Variants in RBFOX1 observed in about 807,000 individuals in gnomAD.
The protein encoded by RBFOX1 is RNA binding protein fox-1 homolog 1.
In RBFOX1, 8 loss-of-function variants were observed where a neutral mutation model predicts 57.7. The ratio of observed to expected loss-of-function variants is 0.14; its 90% CI spans 0.08 to 0.25. RBFOX1 has a LOEUF of 0.25. Ranked by LOEUF, RBFOX1 falls within the 10% of genes least tolerant of loss-of-function variation. The pLI, the probability that RBFOX1 is intolerant of heterozygous loss-of-function variation, is 1.00. For missense variants in RBFOX1, 611 were observed against 548.5 expected (o/e 1.11, Z -1.14); for synonymous variants, 326 against 222.4 (o/e 1.47, Z -4.15).
At chr16:6,493,277 G>C (rs10431959) in intron 2 of RBFOX1, among the ~76,000 whole-genome samples, 49,743 of 151,990 alleles carry the variant, frequency 0.33, 8,933 homozygotes, top group Non-Finnish European at 0.41. Context: ...GGGTCAGTAT[G>C]CTCTTTGGAA....
rs372858426 is a variant in RBFOX1, at chr16:6,064,915, G to A, written c.-127+44923G>A. Among the ~76,000 whole-genome samples, 75 of 151,866 alleles carry A rather than the reference G, an allele frequency of 4.9e-4. 1 individual carries two copies. In the South Asian group the frequency reaches 0.015, roughly 31 times the overall value. On this transcript the variant is annotated intron_variant, in intron 1 of 15. Transcript: ENST00000550418. ...GAAACATTTCAGATCTCAAGACATG[G>A]AGAATCCGAATCAACAGGTCTTGAG...
chr16:6,819,535 C>T (rs1363723502), intron 3 of RBFOX1, among the ~76,000 whole-genome samples: 1 of 151,632 alleles, frequency 6.6e-6, no homozygotes, highest in Non-Finnish European at 1.5e-5. Context: ...GAAAACCCAT[C>T]TCTACTAAAA....
intron 4 of RBFOX1, among the ~76,000 whole-genome samples, chr16:5,904,543 G>A (rs2058396259): frequency 6.6e-6 from 1 of 151,852 alleles, no homozygotes; most frequent in African/African-American, 2.4e-5. Context: ...AGGCAGGCAG[G>A]TGCATTCAGA....
At position 6,152,705 on chromosome 16, in the gene RBFOX1, T is replaced by G. The variant is rs373011359; in HGVS notation, c.-127+132713T>G. ...GTACCTTCAAATCACATATGATATG[T>G]GGAACACATCTTCCACGTGGGCCCA... On this transcript the variant is annotated intron_variant, in intron 1 of 15. Transcript: ENST00000550418. 9.8e-3 allele frequency among the ~76,000 whole-genome samples: 1,452 copies of G among 147,792 alleles called. 25 individuals are homozygous for G. The highest frequency in any genetic ancestry group is 0.033 in the African/African-American group (1,340 of 40,116).
chr16:7,434,223 G>A (rs548415108), intron 4 of RBFOX1, among the ~76,000 whole-genome samples: 15 of 152,174 alleles, frequency 9.9e-5, no homozygotes, highest in South Asian at 6.2e-4. Context: ...TATAATCCCC[G>A]CATTTTGGGA....
At chr16:7,658,897 G>A (rs1313712658) in intron 12 of RBFOX1, among the ~76,000 whole-genome samples, 6 of 152,122 alleles carry the variant, frequency 3.9e-5, no homozygotes, top group Non-Finnish European at 8.8e-5. Context: ...AGCTAATTTT[G>A]TATTTTTAGT....
At chr16:7,038,953 C>G (rs1216740680) in intron 3 of RBFOX1, among the ~76,000 whole-genome samples, 1 of 152,150 alleles carries the variant, frequency 6.6e-6, no homozygotes, top group African/African-American at 2.4e-5. Flanking sequence ...AATCAGATAA[C>G]CAACACTTGA....
intron 1 of RBFOX1, among the ~76,000 whole-genome samples, chr16:5,446,117 G>C (rs1203901250): frequency 6.6e-6 from 1 of 152,144 alleles, no homozygotes; most frequent in Non-Finnish European, 1.5e-5. Flanking sequence ...ACATTAATGG[G>C]GAATGAAGGA....
chr16:5,668,468 G>A (rs555611288), intron 3 of RBFOX1, among the ~76,000 whole-genome samples: 1 of 152,248 alleles, frequency 6.6e-6, no homozygotes, highest in East Asian at 1.9e-4. Flanking sequence ...AATCATCAGA[G>A]GTGGTTCTGA....
At chr16:6,244,407 C>T (rs2097557595) in intron 1 of RBFOX1, among the ~76,000 whole-genome samples, 1 of 152,202 alleles carries the variant, frequency 6.6e-6, no homozygotes, top group Non-Finnish European at 1.5e-5. Context: ...CTCAAGATAG[C>T]ATGCCCTCTG....
chr16:6,123,557 T>C (rs773976961), intron 1 of RBFOX1, among the ~76,000 whole-genome samples: 40 of 152,182 alleles, frequency 2.6e-4, no homozygotes, highest in Non-Finnish European at 2.9e-4. Context: ...GGGAAGATGA[T>C]AAAATTATGG....
intron 1 of RBFOX1, among the ~76,000 whole-genome samples, chr16:6,182,351 C>T (rs568082964): frequency 2.0e-5 from 3 of 152,260 alleles, no homozygotes; most frequent in African/African-American, 4.8e-5. Flanking sequence ...ATAAATAATA[C>T]GACCTACCAC....
Position 7,497,041 on chromosome 16 carries a change from C to A in RBFOX1, c.28-21106C>A, listed in dbSNP as rs562217887. On this transcript the variant is annotated intron_variant, in intron 4 of 15. Coordinates refer to ENST00000550418, the MANE Select transcript of RBFOX1 (RefSeq NM_018723.4). ...CATTTTATTGCCTCTCTCCATGTCC[C>A]CACCTTTTCCTGTCTCCAGCCTACC... Among the ~76,000 whole-genome samples the A allele has an allele frequency of 6.6e-5, 10 of 152,216 alleles. No homozygotes were observed. In the East Asian group the frequency reaches 1.5e-3, roughly 24 times the overall value.
intron 2 of RBFOX1, among the ~76,000 whole-genome samples, chr16:6,551,094 G>C (rs1175165279): frequency 2.0e-5 from 3 of 152,164 alleles, no homozygotes; most frequent in Admixed American, 2.0e-4. Flanking sequence ...ATGTGATAAT[G>C]GCTCTGCGTT....
chr16:7,441,236 G>T (rs546494268), intron 4 of RBFOX1, among the ~76,000 whole-genome samples: 1 of 152,284 alleles, frequency 6.6e-6, no homozygotes, highest in African/African-American at 2.4e-5. Context: ...TGAAAGCTCT[G>T]CAAGGCTAGG....
At chr16:6,149,631 GT>G (rs1298107082) in intron 1 of RBFOX1, among the ~76,000 whole-genome samples, 1 of 152,134 alleles carries the variant, frequency 6.6e-6, no homozygotes, top group African/African-American at 2.4e-5. Flanking sequence ...TTTCTTCCAG[GT>G]TTGAATAGCT....
chr16:7,323,458 G>A (rs780956681), intron 4 of RBFOX1, among the ~76,000 whole-genome samples: 10 of 152,096 alleles, frequency 6.6e-5, no homozygotes, highest in Non-Finnish European at 1.2e-4. Flanking sequence ...AAAAACCCAG[G>A]CCACCATTTC....
chr16:5,921,426 G>A (rs961687973), intron 4 of RBFOX1, among the ~76,000 whole-genome samples: 2 of 152,160 alleles, frequency 1.3e-5, no homozygotes, highest in African/African-American at 4.8e-5. Flanking sequence ...ATGTGTGGGG[G>A]GAGTAGGTTG....
At chr16:7,172,211 A>G (rs1192813865) in intron 4 of RBFOX1, among the ~76,000 whole-genome samples, 1 of 152,156 alleles carries the variant, frequency 6.6e-6, no homozygotes, top group African/African-American at 2.4e-5. Context: ...ATATTTTCTT[A>G]TATTACCTAA....
Sources: gnomAD v4.1 joint callset for allele counts (sites outside exome capture counted in the v4.1 genomes callset) on GRCh38, gnomAD v4.1.1 for gene constraint, MANE v1.5 for transcripts, NCBI Gene and HGNC (gene_info 2026-07-23, HGNC 2026-07-21) for gene names.